The following DDX42 variants were observed in gnomAD, a reference collection of about 807,000 sequenced individuals.
DDX42 encodes ATP-dependent RNA helicase DDX42.
A neutral mutation model predicts 101.5 loss-of-function variants in DDX42; 22 were observed. The observed-to-expected ratio is 0.22, with a 90% confidence interval of 0.15 to 0.31. The LOEUF is 0.31. Among genes scored for constraint, DDX42 ranks in the 10% least tolerant of loss-of-function variants. The pLI is 1.00. For synonymous variants in DDX42, 402 were observed against 401.2 expected (o/e 1.00, Z -0.02); for missense variants, 849 against 1,199.9 (o/e 0.71, Z 4.32).
At chr17:63,810,628 C>CTTATTTATTTTA (rs2039898676) in intron 12 of DDX42, 68 bp downstream of exon 12, 1 of 1,457,984 alleles carries the variant, frequency 6.9e-7, no homozygotes, top group African/African-American at 1.4e-5. Flanking sequence ...TTTATAAGCA[C>CTTATTTATTTTA]TCAGAGTTAT....
intron 6 of DDX42, among the ~76,000 whole-genome samples, chr17:63,804,344 T>C (rs2039812177): frequency 6.6e-6 from 1 of 152,130 alleles, no homozygotes; most frequent in Admixed American, 6.6e-5. Flanking sequence ...TGCTTATGTT[T>C]TGTATACCTA....
intron 1 of DDX42, among the ~76,000 whole-genome samples, chr17:63,778,667 A>G (rs1425221438): frequency 2.0e-5 from 3 of 150,718 alleles, no homozygotes; most frequent in African/African-American, 7.3e-5. Flanking sequence ...TTAAGACAGC[A>G]TCTCGCTCTG....
In DDX42 at chr17:63,798,213, A is replaced by G. The variant is rs2039717322; in HGVS notation, c.434+114A>G. 11 of 871,668 alleles carry G rather than the reference A, an allele frequency of 1.3e-5. No individual in the cohort carries two copies. In the East Asian group the frequency reaches 2.8e-4, roughly 22 times the overall value. The allele number at this position is 871,668 out of a possible 1,614,324, so 54.0% of individuals were successfully genotyped here. On this transcript the variant is annotated intron_variant, in intron 4 of 17. Transcript: ENST00000389924. ...ATATTGACGTACACTTGTGTACTTT[A>G]CTTGAAGTTATTCCTGTATCTTGAA...
rs146726768 is a variant in DDX42, at chr17:63,787,221, T to C, written c.172T>C (p.Ser58Pro). The change falls in exon 2 of 18, where the codon TCT (serine) becomes CCT (proline). Residue 58 changes from serine to proline, a missense_variant. Ser to Pro is a moderately conservative substitution (Grantham distance 74). Transcript: ENST00000389924. ...FGKSAPPQLP[S>P]FYKIGSKRAN... ...AAAGTCAGCTCCACCACAGCTTCCT[T>C]CTTTCTACAAAATTGGATCTAAGCG... is the stretch of plus-strand genomic sequence containing the variant. 6.2e-7 allele frequency: 1 copy of C among 1,614,066 alleles called. No homozygotes were observed. The highest frequency in any genetic ancestry group is 1.3e-5 in the African/African-American group (1 of 74,922).
At chr17:63,790,898 A>G (rs1224223854) in intron 2 of DDX42, among the ~76,000 whole-genome samples, 1 of 152,344 alleles carries the variant, frequency 6.6e-6, no homozygotes, top group African/African-American at 2.4e-5. Flanking sequence ...ACGCCGCTGC[A>G]CTGCAGCCTG....
intron 1 of DDX42, among the ~76,000 whole-genome samples, chr17:63,784,880 A>G (rs953333052): frequency 6.6e-6 from 1 of 152,234 alleles, no homozygotes; most frequent in East Asian, 1.9e-4. Context: ...ATGTAGCTAT[A>G]ATGATGTGTT....
At chr17:63,810,882 C>A (rs1242832081) in intron 12 of DDX42, among the ~76,000 whole-genome samples, 194 bp from the exon 13 acceptor site, 1 of 152,178 alleles carries the variant, frequency 6.6e-6, no homozygotes, top group Non-Finnish European at 1.5e-5. Flanking sequence ...ATACTGACAA[C>A]TTGTCTTAAC....
chr17:63,779,535 A>G (rs1326332742), intron 1 of DDX42, among the ~76,000 whole-genome samples: 1 of 151,714 alleles, frequency 6.6e-6, no homozygotes, highest in Admixed American at 6.6e-5. Flanking sequence ...AAGTGCTGGG[A>G]CTGCAGTTGT....
rs138224520 is a variant in DDX42 at position 63,789,546 on chromosome 17, C to CGTTTTTT, written c.221+2276_221+2277insGTTTTTT. ...ATTGGAAAAAAAAGCTTCTAAAAGACTTTTTTGTTTTTGTTTTTGTTTTTG... is the reference window on the plus strand; with the variant it reads ...ATTGGAAAAAAAAGCTTCTAAAAGACGTTTTTTTTTTTTGTTTTTGTTTTTGTTTTTG... On this transcript the variant is annotated intron_variant, in intron 2 of 17. Coordinates refer to ENST00000389924, the MANE Select transcript of DDX42 (RefSeq NM_203499.3). 1.8e-4 allele frequency among the ~76,000 whole-genome samples: 22 copies of CGTTTTTT among 121,850 alleles called. 6 individuals carry two copies. Among genetic ancestry groups the CGTTTTTT allele is most frequent in the African/African-American group, 4.4e-4 (13 of 29,320 alleles). The allele number at this position is 121,850 out of a possible 152,430, so 79.9% of individuals were successfully genotyped here. A position where few individuals can be genotyped will look rare whatever the true frequency, so the allele number is the denominator to read the frequency against.
At chr17:63,811,770 G>A in intron 13 of DDX42, 162 bp from the exon 14 acceptor site, 1 of 823,272 alleles carries the variant, frequency 1.2e-6, no homozygotes, top group South Asian at 1.6e-5. Flanking sequence ...TGATTGGAAA[G>A]GAGAGGTGAG....
At position 63,818,325 on chromosome 17, in the gene DDX42, A is replaced by C; in HGVS notation, c.2744A>C (p.Lys915Thr). ...DSSKMDKVDS[K>T]TDKTADGFAV... ...AGCAAGATGGACAAGGTGGACAGCAAGACAGATAAGACAGCTGACGGCTTT... is the reference window on the plus strand; with the variant it reads ...AGCAAGATGGACAAGGTGGACAGCACGACAGATAAGACAGCTGACGGCTTT... Residue 915 changes from lysine to threonine, a missense_variant, in exon 18 of 18, where the codon AAG becomes ACG. Physicochemically the swap from Lys to Thr is moderately conservative, Grantham distance 78. Transcript: ENST00000389924. 1 of 1,614,152 alleles carries C rather than the reference A, an allele frequency of 6.2e-7. No homozygotes were observed. Among genetic ancestry groups the C allele is most frequent in the Non-Finnish European group, 8.5e-7 (1 of 1,180,044 alleles).
rs115563914 is a variant in DDX42, at chr17:63,781,117, A to G, written c.-16-5917A>G. Among the ~76,000 whole-genome samples the G allele has an allele frequency of 8.0e-3, 1,214 of 152,220 alleles. 20 individuals are homozygous for G. The highest frequency in any genetic ancestry group is 0.027 in the African/African-American group (1,142 of 41,538). ...CTTGACCTAGTCTTCATCTTCTACTACTTACTTGCCAGGTACTCCTCAACC... is the reference window on the plus strand; with the variant it reads ...CTTGACCTAGTCTTCATCTTCTACTGCTTACTTGCCAGGTACTCCTCAACC... On this transcript the variant is annotated intron_variant, in intron 1 of 17. Transcript: ENST00000389924.
At position 63,811,063 on chromosome 17, in the gene DDX42, T is replaced by C. The variant is rs372366259; in HGVS notation, c.1301-13T>C. 6.2e-7 allele frequency: 1 copy of C among 1,610,122 alleles called. No homozygotes were observed. Among genetic ancestry groups the C allele is most frequent in the East Asian group, 2.2e-5 (1 of 44,840 alleles). The stretch of plus-strand genomic sequence containing the variant: ...CATATTGTTTCTCTAACAGAATTTA[T>C]CTTACCTTTTAGCTCTCTTATTTAG... On this transcript the variant is annotated splice_polypyrimidine_tract_variant and intron_variant, in intron 12 of 17. Transcript: ENST00000389924.
At chr17:63,815,209 A>G (rs1179246384) in intron 15 of DDX42, among the ~76,000 whole-genome samples, 3 of 152,170 alleles carry the variant, frequency 2.0e-5, no homozygotes, top group Non-Finnish European at 2.9e-5. Flanking sequence ...CCAATAATAC[A>G]TGGTTTGAGA....
At chr17:63,776,449 G>A (rs980571676) in intron 1 of DDX42, 8 of 152,198 alleles carry the variant, frequency 5.3e-5, no homozygotes, top group Admixed American at 2.0e-4. Context: ...TTCTTGTGGC[G>A]CTTATGTATG....
intron 1 of DDX42, 151 bp downstream of exon 1, chr17:63,774,527 G>C (rs2039391791): frequency 5.8e-6 from 1 of 172,550 alleles, no homozygotes; most frequent in Non-Finnish European, 1.2e-5. Context: ...TGCCGGGAAG[G>C]GGTGGGAGTG....
In DDX42 at chr17:63,787,060, A is replaced by G; in HGVS notation, c.11A>G (p.Asn4Ser). 1 of 1,614,196 alleles carries G rather than the reference A, an allele frequency of 6.2e-7. No homozygotes were observed. Residue 4 changes from asparagine (N) to serine (S), a missense_variant, in exon 2 of 18, where the codon AAT (asparagine) becomes AGT (serine). Asn to Ser is a conservative substitution (Grantham distance 46). Transcript: ENST00000389924. ...TCAGTCATTGGCACCATGAACTGGA[A>G]TAAAGGTGGTCCTGGCACTAAGCGA... MNW[N>S]KGGPGTKRGF...
chr17:63,797,436 T>G (rs1714286393), intron 3 of DDX42, among the ~76,000 whole-genome samples: 2 of 152,100 alleles, frequency 1.3e-5, no homozygotes, highest in Non-Finnish European at 2.9e-5. Flanking sequence ...GGATTCTGAT[T>G]TAGTAGATGT....
intron 1 of DDX42, among the ~76,000 whole-genome samples, chr17:63,780,837 A>C (rs1035542342): frequency 2.0e-5 from 3 of 151,102 alleles, no homozygotes; most frequent in Non-Finnish European, 4.4e-5. Flanking sequence ...TGTTCTTTTC[A>C]CTCCTTCCCT....
Sources: gnomAD v4.1 joint callset for allele counts (sites outside exome capture counted in the v4.1 genomes callset) on GRCh38, gnomAD v4.1.1 for gene constraint, MANE v1.5 for transcripts, NCBI Gene and HGNC (gene_info 2026-07-23, HGNC 2026-07-21) for gene names.